The following BRINP3 variants were observed in gnomAD, a reference collection of about 807,000 sequenced individuals.
BRINP3 encodes the protein BMP/retinoic acid inducible neural specific 3, also known as BMP/retinoic acid-inducible neural-specific protein 3.
A neutral mutation model predicts 71.0 loss-of-function variants in BRINP3; 19 were observed. The observed-to-expected ratio is 0.27, with a 90% confidence interval of 0.19 to 0.39. The LOEUF (loss-of-function observed/expected upper bound fraction) is 0.39. BRINP3 is among the 10% of genes least tolerant of loss of function. The pLI is 1.00. For synonymous variants in BRINP3, 380 were observed against 337.7 expected (o/e 1.13, Z -1.37); for missense variants, 959 against 940.8 (o/e 1.02, Z -0.25).
intron 6 of BRINP3, among the ~76,000 whole-genome samples, chr1:190,190,740 G>C (rs1653964523): frequency 6.6e-6 from 1 of 151,902 alleles, no homozygotes; most frequent in South Asian, 2.1e-4. Flanking sequence ...TACTGTATTG[G>C]GGTCTCTAAG....
rs540479083 is a variant in BRINP3 at position 190,119,726 on chromosome 1, T to G, written c.1185-20592A>C. Among the ~76,000 whole-genome samples, 3 of 152,318 alleles carry G rather than the reference T, an allele frequency of 2.0e-5. No homozygotes were observed. In the South Asian group the frequency reaches 6.2e-4, roughly 32 times the overall value. On this transcript the variant is annotated intron_variant, in intron 7 of 7. Coordinates refer to ENST00000367462, the MANE Select transcript of BRINP3 (RefSeq NM_199051.3). Reference sequence around the variant, plus strand: ...TCATGAGGAACAGGAAAGGCAACAATGATGAGATGTAATTGTATTTTGGTT... The same window carrying G: ...TCATGAGGAACAGGAAAGGCAACAAGGATGAGATGTAATTGTATTTTGGTT...
chr1:190,301,187 G>A (rs7516606), intron 2 of BRINP3, among the ~76,000 whole-genome samples: 847 of 29,002 alleles, frequency 0.029, 6 homozygotes, highest in Admixed American at 0.047. Context: ...ATATATATAT[G>A]TATATATATA....
At chr1:190,167,406 T>G (rs1386565451) in intron 6 of BRINP3, among the ~76,000 whole-genome samples, 3 of 152,052 alleles carry the variant, frequency 2.0e-5, no homozygotes, top group Admixed American at 2.0e-4. Flanking sequence ...GAAATGGCAT[T>G]TGGACCTATA....
chr1:190,358,312 A>C (rs1668880017), intron 2 of BRINP3, among the ~76,000 whole-genome samples: 1 of 152,200 alleles, frequency 6.6e-6, no homozygotes, highest in African/African-American at 2.4e-5. Flanking sequence ...ACAAATTTAC[A>C]AGAAAAAAAG....
At chr1:190,182,999 G>A (rs981862984) in intron 6 of BRINP3, among the ~76,000 whole-genome samples, 1 of 152,094 alleles carries the variant, frequency 6.6e-6, no homozygotes, top group Non-Finnish European at 1.5e-5. Context: ...ATTGAGGGGG[G>A]TTTTGGAAAA....
At chr1:190,281,328 T>C (rs1166767825) in intron 3 of BRINP3, among the ~76,000 whole-genome samples, 1 of 151,994 alleles carries the variant, frequency 6.6e-6, no homozygotes, top group Non-Finnish European at 1.5e-5. Context: ...TATTTGTATG[T>C]TATTAGATTG....
At chr1:190,358,428 C>A (rs1668890511) in intron 2 of BRINP3, among the ~76,000 whole-genome samples, 1 of 152,106 alleles carries the variant, frequency 6.6e-6, no homozygotes, top group Non-Finnish European at 1.5e-5. Context: ...TCAACACTGG[C>A]CATCAGCAAA....
chr1:190,389,571 T>C (rs1671121912), intron 2 of BRINP3, among the ~76,000 whole-genome samples: 1 of 151,786 alleles, frequency 6.6e-6, no homozygotes, highest in African/African-American at 2.4e-5. Context: ...GCCCGTAACA[T>C]TGAAGTGAGT....
chr1:190,177,689 T>A (rs1652668434), intron 6 of BRINP3, among the ~76,000 whole-genome samples: 1 of 152,110 alleles, frequency 6.6e-6, no homozygotes, highest in African/African-American at 2.4e-5. Flanking sequence ...GAACCAAAAT[T>A]TATAATTAAT....
At position 190,234,356 on chromosome 1, in the gene BRINP3, A is replaced by C. The variant is rs1433418126; in HGVS notation, c.724+16T>G. The stretch of plus-strand genomic sequence containing the variant: ...ATTCAGGCTTGTAGAGAATTAATGA[A>C]ATTTTACCAACATACCTTGCAACTG... On this transcript the variant is annotated intron_variant, in intron 5 of 7. Coordinates refer to ENST00000367462, the MANE Select transcript of BRINP3 (RefSeq NM_199051.3). 1.9e-6 allele frequency: 3 copies of C among 1,582,464 alleles called. No homozygotes were observed. The highest frequency in any genetic ancestry group is 2.6e-6 in the Non-Finnish European group (3 of 1,156,018).
intron 7 of BRINP3, among the ~76,000 whole-genome samples, chr1:190,138,266 T>G (rs996125696): frequency 6.6e-6 from 1 of 152,144 alleles, no homozygotes; most frequent in African/African-American, 2.4e-5. Flanking sequence ...GACTTCCTAG[T>G]TTTTGAATGG....
At chr1:190,187,101 G>C (rs1653598277) in intron 6 of BRINP3, among the ~76,000 whole-genome samples, 1 of 152,114 alleles carries the variant, frequency 6.6e-6, no homozygotes, top group African/African-American at 2.4e-5. Flanking sequence ...TATTATATAT[G>C]TATTTGGATT....
intron 7 of BRINP3, among the ~76,000 whole-genome samples, chr1:190,133,602 C>T (rs1012250106): frequency 6.6e-6 from 1 of 151,912 alleles, no homozygotes; most frequent in African/African-American, 2.4e-5. Flanking sequence ...AAACATCAAA[C>T]AATATAGGCA....
intron 2 of BRINP3, among the ~76,000 whole-genome samples, chr1:190,291,168 A>G (rs1663837538): frequency 6.6e-6 from 1 of 152,086 alleles, no homozygotes; most frequent in Non-Finnish European, 1.5e-5. Flanking sequence ...GAAGGACTTA[A>G]AGGGCCTTTG....
chr1:190,229,763 A>G (rs1657778903), intron 5 of BRINP3, among the ~76,000 whole-genome samples: 1 of 151,942 alleles, frequency 6.6e-6, no homozygotes, highest in African/African-American at 2.4e-5. Context: ...TTAAAATAGC[A>G]TTGAAACTAA....
chr1:190,175,051 G>T (rs976380726), intron 6 of BRINP3, among the ~76,000 whole-genome samples: 2 of 152,118 alleles, frequency 1.3e-5, no homozygotes, highest in Non-Finnish European at 2.9e-5. Flanking sequence ...CATGGCCTGA[G>T]AGCCCGATGC....
chr1:190,319,647 G>C (rs912312806), intron 2 of BRINP3, among the ~76,000 whole-genome samples: 4 of 152,190 alleles, frequency 2.6e-5, no homozygotes, highest in African/African-American at 9.6e-5. Flanking sequence ...GCAAGAGCAA[G>C]AGATTGAGGG....
intron 6 of BRINP3, among the ~76,000 whole-genome samples, chr1:190,210,813 C>A (rs542141839): frequency 1.3e-5 from 2 of 152,116 alleles, no homozygotes; most frequent in Admixed American, 6.6e-5. Context: ...GAGAGGCAGA[C>A]CCACCCTCAA....
In BRINP3 at chr1:190,212,210, T is replaced by A. The variant is rs531105563; in HGVS notation, c.961+13872A>T. ...CTTTACCCATGAGAAGGCAATTATATGACTGTTAATTTAGAATTAGACTTT... is the reference window on the plus strand; with the variant it reads ...CTTTACCCATGAGAAGGCAATTATAAGACTGTTAATTTAGAATTAGACTTT... On this transcript the variant is annotated intron_variant, in intron 6 of 7. Coordinates refer to ENST00000367462, the MANE Select transcript of BRINP3 (RefSeq NM_199051.3). 1.3e-4 allele frequency among the ~76,000 whole-genome samples: 20 copies of A among 152,222 alleles called. No homozygotes were observed. In the South Asian group the frequency reaches 3.9e-3, roughly 30 times the overall value.
Sources: allele counts gnomAD v4.1 joint callset (sites outside exome capture counted in the v4.1 genomes callset), GRCh38; gene constraint gnomAD v4.1.1; transcripts MANE v1.5; gene names NCBI Gene and HGNC (gene_info 2026-07-23, HGNC 2026-07-21).